Variants in DERA observed in about 807,000 individuals in gnomAD.
DERA encodes deoxyribose-phosphate aldolase.
In DERA, 15 loss-of-function variants were observed where a neutral mutation model predicts 41.1. That is an observed-to-expected ratio of 0.37 (90% CI 0.24 to 0.56). DERA has a LOEUF of 0.56. Ranked by LOEUF, DERA falls within the 20% of genes least tolerant of loss-of-function variation. The pLI, the probability that DERA is intolerant of heterozygous loss-of-function variation, is 0.81. For synonymous variants in DERA, 139 were observed against 137.4 expected, an observed-to-expected ratio of 1.01 and a Z score of -0.08; for missense variants, 396 against 403.4, an observed-to-expected ratio of 0.98 and a Z score of 0.16.
intron 6 of DERA, among the ~76,000 whole-genome samples, chr12:15,986,482 CTT>C (rs1384583100): frequency 9.2e-5 from 14 of 152,242 alleles, no homozygotes; most frequent in Middle Eastern, 3.4e-3. Flanking sequence ...TCTACAGACT[CTT>C]TGCACAAAAT....
chr12:15,987,504 TG>T (rs1948772976), intron 6 of DERA, among the ~76,000 whole-genome samples: 1 of 152,146 alleles, frequency 6.6e-6, no homozygotes, highest in South Asian at 2.1e-4. Flanking sequence ...CCCAAAGTGC[TG>T]GGATTACAGA....
intron 6 of DERA, among the ~76,000 whole-genome samples, chr12:15,986,763 A>G (rs1238724731): frequency 6.6e-6 from 1 of 152,216 alleles, no homozygotes; most frequent in Non-Finnish European, 1.5e-5. Context: ...GTTTTCCCTA[A>G]ATGTATCACT....
At chr12:15,975,607 A>T (rs909920335) in intron 5 of DERA, among the ~76,000 whole-genome samples, 4 of 152,182 alleles carry the variant, frequency 2.6e-5, no homozygotes, top group Non-Finnish European at 5.9e-5. Flanking sequence ...TATGAACTAT[A>T]AACTAAGTTC....
intron 1 of DERA, among the ~76,000 whole-genome samples, chr12:15,955,247 CAAGATCGTA>C (rs1408925496): frequency 6.6e-6 from 1 of 150,646 alleles, no homozygotes; most frequent in Non-Finnish European, 1.5e-5. Context: ...TGCAGTGAGC[CAAGATCGTA>C]CCACTGCATT....
chr12:15,916,683 T>G (rs1436984451), intron 1 of DERA, among the ~76,000 whole-genome samples: 1 of 152,126 alleles, frequency 6.6e-6, no homozygotes, highest in Non-Finnish European at 1.5e-5. Context: ...ACTCTTGACC[T>G]CAGGTGATCC....
rs1463629938 is a variant in DERA, at chr12:15,972,579, AT to A, written c.508+9634del. Reference sequence around the variant, plus strand: ...ATGTACTCTAGGGAAATTTTCTCCAATTCCTGCCTCATGATGTGTCCCAGGG... The same window carrying A: ...ATGTACTCTAGGGAAATTTTCTCCAATCCTGCCTCATGATGTGTCCCAGGG... On this transcript the variant is annotated intron_variant, in intron 5 of 8. Coordinates refer to ENST00000428559, the MANE Select transcript of DERA (RefSeq NM_015954.4). This position sits in a 1 kb window ranked among gnomAD's most constrained non-coding sequence, Gnocchi z 4.4. The A allele has an allele frequency of 5.8e-6, 1 of 171,772 alleles. No homozygotes were observed. Among genetic ancestry groups the A allele is most frequent in the Non-Finnish European group, 1.3e-5 (1 of 78,110 alleles). 10.6% of individuals were successfully genotyped at this position (171,772 alleles called of 1,614,324 possible).
chr12:15,977,524 C>T (rs978318169), intron 5 of DERA, among the ~76,000 whole-genome samples: 9 of 152,232 alleles, frequency 5.9e-5, no homozygotes, highest in African/African-American at 2.2e-4. Flanking sequence ...GCAATCTCAG[C>T]TCACTGCAAC....
intron 6 of DERA, among the ~76,000 whole-genome samples, chr12:15,991,554 C>G (rs1311248142): frequency 6.6e-6 from 1 of 152,096 alleles, no homozygotes; most frequent in Non-Finnish European, 1.5e-5. Context: ...ACTTAATCAG[C>G]AGCTGTAATT....
intron 1 of DERA, chr12:15,956,708 GT>G: frequency 3.4e-6 from 2 of 586,512 alleles, no homozygotes; most frequent in Non-Finnish European, 3.2e-6. Flanking sequence ...AGCAATTGTG[GT>G]TTTTGCCTTT....
In DERA at chr12:16,009,051, T is replaced by G. The variant is rs557749424; in HGVS notation, c.638-23491T>G. On this transcript the variant is annotated intron_variant, in intron 6 of 8. Transcript: ENST00000428559. This position sits in a 1 kb window ranked among gnomAD's most constrained non-coding sequence, Gnocchi z 5.3. ...GTTCCTTAGTCTCTATAAAGTCTTC[T>G]TTTCTTAATTGGTAACAGGAGTATC... Among the ~76,000 whole-genome samples, 1 of 152,376 alleles carries G rather than the reference T, an allele frequency of 6.6e-6. No individual in the cohort carries two copies. Among genetic ancestry groups the G allele is most frequent in the African/African-American group, 2.4e-5 (1 of 41,588 alleles).
intron 1 of DERA, among the ~76,000 whole-genome samples, chr12:15,926,402 T>C (rs1030871904): frequency 1.3e-5 from 2 of 152,068 alleles, no homozygotes; most frequent in South Asian, 2.1e-4. Context: ...CATAGCAATT[T>C]CCACTTCAGA....
At position 16,036,327 on chromosome 12, in the gene DERA, G is replaced by A. The variant is rs1398013600; in HGVS notation, c.846G>A (p.Lys282=). The A allele has an allele frequency of 1.2e-6, 2 of 1,613,630 alleles. No homozygotes were observed. Among genetic ancestry groups the A allele is most frequent in the South Asian group, 2.2e-5 (2 of 91,032 alleles). ...AGGAGCTTGGAGATGAGTGGCTGAA[G>A]CCAGAACTCTTTCGAATAGGTGCCA... ...VKEELGDEWL[K]PELFRIGAST... Residue 282 remains lysine (K), a synonymous_variant, in exon 8 of 9, where the codon AAG becomes AAA. Transcript: ENST00000428559. The surrounding 1 kb of genome is among the most constrained non-coding windows in gnomAD (Gnocchi z 4.9).
Position 15,988,475 on chromosome 12 carries a change from G to A in DERA, c.637+6039G>A, listed in dbSNP as rs1304622488. Among the ~76,000 whole-genome samples the A allele has an allele frequency of 6.6e-6, 1 of 152,184 alleles. No homozygotes were observed. Among genetic ancestry groups the A allele is most frequent in the South Asian group, 2.1e-4 (1 of 4,826 alleles). On this transcript the variant is annotated intron_variant, in intron 6 of 8. Coordinates refer to ENST00000428559, the MANE Select transcript of DERA (RefSeq NM_015954.4). This position sits in a 1 kb window ranked among gnomAD's most constrained non-coding sequence, Gnocchi z 6.0. ...GTAGAGAGGAGACCTGTAGTGGGTA[G>A]CTCCTTTTTGCAGGCAGGTCGTCCC... is the stretch of plus-strand genomic sequence containing the variant.
At chr12:15,937,923 A>G (rs1948380608) in intron 1 of DERA, among the ~76,000 whole-genome samples, 1 of 152,204 alleles carries the variant, frequency 6.6e-6, no homozygotes, top group African/African-American at 2.4e-5. Flanking sequence ...GCTATGTGTC[A>G]GTTAAGTACA....
intron 1 of DERA, among the ~76,000 whole-genome samples, chr12:15,939,357 T>C (rs1948393436): frequency 6.6e-6 from 1 of 152,162 alleles, no homozygotes; most frequent in Admixed American, 6.5e-5. Flanking sequence ...AGAAATAGAA[T>C]GACTGCTGTT....
Position 16,035,400 on chromosome 12 carries a change from T to C in DERA, c.751-832T>C, listed in dbSNP as rs1165959167. Among the ~76,000 whole-genome samples the C allele has an allele frequency of 6.6e-6, 1 of 152,202 alleles. No individual in the cohort carries two copies. The highest frequency in any genetic ancestry group is 1.9e-4 in the East Asian group (1 of 5,204). ...GGCTCTGAGGTGTTGTTTTGACCACTACCATCTACAGATTCCCAACTCTAC... is the reference window on the plus strand; with the variant it reads ...GGCTCTGAGGTGTTGTTTTGACCACCACCATCTACAGATTCCCAACTCTAC... On this transcript the variant is annotated intron_variant, in intron 7 of 8. Transcript: ENST00000428559. This position sits in a 1 kb window ranked among gnomAD's most constrained non-coding sequence, Gnocchi z 4.1.
At chr12:16,028,837 G>C (rs911572782) in intron 6 of DERA, among the ~76,000 whole-genome samples, 1 of 152,110 alleles carries the variant, frequency 6.6e-6, no homozygotes, top group African/African-American at 2.4e-5. Flanking sequence ...AAACTGTCAA[G>C]ATCATCAAAA....
intron 4 of DERA, 93 bp downstream of exon 4, chr12:15,960,017 T>C: frequency 2.3e-6 from 2 of 867,322 alleles, no homozygotes; most frequent in East Asian, 5.5e-5. Flanking sequence ...TACTATGATT[T>C]AAATTAGTTT....
intron 1 of DERA, among the ~76,000 whole-genome samples, chr12:15,946,275 A>G (rs1289154514): frequency 3.9e-5 from 6 of 152,062 alleles, no homozygotes; most frequent in Admixed American, 6.6e-5. Flanking sequence ...CTCTTTTTCT[A>G]TTGATTGGAA....
Sources: gnomAD v4.1 joint callset for allele counts (sites outside exome capture counted in the v4.1 genomes callset) on GRCh38, gnomAD v4.1.1 for gene constraint, Gnocchi (gnomAD v3.1) non-coding constraint, MANE v1.5 for transcripts, NCBI Gene and HGNC (gene_info 2026-07-23, HGNC 2026-07-21) for gene names.